OSCP1: variants seen among roughly 807,000 people sequenced by gnomAD.
OSCP1 encodes organic solute carrier partner 1, also known as protein OSCP1.
A neutral mutation model predicts 45.1 loss-of-function variants in OSCP1; 35 were observed. That is an observed-to-expected ratio of 0.78 (90% confidence interval 0.59 to 1.03). The LOEUF (loss-of-function observed/expected upper bound fraction) is 1.03. OSCP1 is among the 50% of genes least tolerant of loss of function. The pLI is 0.00. For synonymous variants in OSCP1, 179 were observed against 180.1 expected (o/e 0.99, Z 0.05); for missense variants, 400 against 470.7 (o/e 0.85, Z 1.39).
chr1:36,422,436 T>C (rs558330644), intron 6 of OSCP1, among the ~76,000 whole-genome samples: 1 of 152,214 alleles, frequency 6.6e-6, no homozygotes, highest in African/African-American at 2.4e-5. Flanking sequence ...ATGCCTCCTC[T>C]TGTGAAGAGT....
chr1:36,420,259 A>G, intron 8 of OSCP1: 1 of 529,532 alleles, frequency 1.9e-6, no homozygotes, highest in East Asian at 3.9e-5. Context: ...TACGGGCGTG[A>G]GCCACTGCAC....
chr1:36,448,970 G>A (rs1649705269), intron 1 of OSCP1, among the ~76,000 whole-genome samples: 1 of 152,204 alleles, frequency 6.6e-6, no homozygotes, highest in Non-Finnish European at 1.5e-5. Context: ...GCGGCAATGT[G>A]CAGAATGAAT....
intron 1 of OSCP1, among the ~76,000 whole-genome samples, chr1:36,439,505 AAAAAT>A (rs1245285076): frequency 5.3e-5 from 8 of 152,188 alleles, no homozygotes; most frequent in South Asian, 2.1e-4. Context: ...TCCTGTCTAA[AAAAAT>A]AAAATAAAAT....
chr1:36,446,055 C>T lies in OSCP1; in HGVS notation c.112+4203G>A, dbSNP rs559013677. On this transcript the variant is annotated intron_variant, in intron 1 of 9. Coordinates refer to ENST00000235532, the MANE Select transcript of OSCP1 (RefSeq NM_145047.5). ...TTGTTTATTCTGAGAGGGAGACTTG[C>T]TTTGTCGCCCAGGCTAGAGTGCAGT... 3.3e-5 allele frequency among the ~76,000 whole-genome samples: 5 copies of T among 151,900 alleles called. No individual in the cohort carries two copies. The South Asian group carries it at 1.0e-3, about 32-fold the overall frequency.
chr1:36,435,099 T>C (rs1330231136), intron 2 of OSCP1, among the ~76,000 whole-genome samples: 2 of 147,224 alleles, frequency 1.4e-5, no homozygotes, highest in Admixed American at 6.7e-5. Context: ...TTCTTTTTTT[T>C]TTTTTTTTTT....
intron 8 of OSCP1, chr1:36,419,371 G>A (rs900258749): frequency 3.9e-5 from 15 of 388,948 alleles, no homozygotes; most frequent in African/African-American, 1.2e-4. Context: ...CTCAATTAGC[G>A]CATTCATGAC....
chr1:36,433,513 G>A (rs78848882), intron 2 of OSCP1, among the ~76,000 whole-genome samples: 1 of 151,892 alleles, frequency 6.6e-6, no homozygotes, highest in African/African-American at 2.4e-5. Context: ...AGGGAGGTAG[G>A]GGTCAAGGGC....
In OSCP1 at chr1:36,418,034, C is replaced by T. The variant is rs1647376262; in HGVS notation, c.*105G>A. The T allele has an allele frequency of 2.4e-6, 2 of 821,416 alleles. No individual in the cohort carries two copies. Among genetic ancestry groups the T allele is most frequent in the Non-Finnish European group, 1.9e-6 (1 of 513,012 alleles). 50.9% of individuals were successfully genotyped at this position (821,416 alleles called of 1,614,324 possible). ...AAATAAGAAATAGACGTAATGGCTTCACTCAGTAGAAAACTAGCAGCATCA... is the reference window on the plus strand; with the variant it reads ...AAATAAGAAATAGACGTAATGGCTTTACTCAGTAGAAAACTAGCAGCATCA... On this transcript the variant is annotated 3_prime_UTR_variant, in exon 10 of 10. Coordinates refer to ENST00000235532, the MANE Select transcript of OSCP1 (RefSeq NM_145047.5).
chr1:36,433,053 T>C (rs930488664), intron 2 of OSCP1, among the ~76,000 whole-genome samples: 1 of 152,252 alleles, frequency 6.6e-6, no homozygotes, highest in Admixed American at 6.5e-5. Flanking sequence ...GCAGAGGTGC[T>C]GAGAGCAATA....
At position 36,435,069 on chromosome 1, in the gene OSCP1, CCTTTT is replaced by C. The variant is rs1240699775; in HGVS notation, c.268-2485_268-2481del. ...CCTTCCTCTATGGAAATTTAAACTT[CCTTTT>C]CTTTTCTTTTCTTTTTCTTTTTTTT... On this transcript the variant is annotated intron_variant, in intron 2 of 9. Coordinates refer to ENST00000235532, the MANE Select transcript of OSCP1 (RefSeq NM_145047.5). Among the ~76,000 whole-genome samples the C allele has an allele frequency of 2.8e-3, 414 of 150,068 alleles. 2 individuals are homozygous for C. The highest frequency in any genetic ancestry group is 5.4e-3 in the Admixed American group (81 of 14,972).
At position 36,447,807 on chromosome 1, in the gene OSCP1, C is replaced by T; in HGVS notation, c.112+2451G>A. On this transcript the variant is annotated intron_variant, in intron 1 of 9. Coordinates refer to ENST00000235532, the MANE Select transcript of OSCP1 (RefSeq NM_145047.5). This position sits in a 1 kb window ranked among gnomAD's most constrained non-coding sequence, Gnocchi z 4.1. ...GTTACTGGAGTGGACTGATCAATAGCCCTACCTCCAGTGAATGTCCAGAAG... is the reference window on the plus strand; with the variant it reads ...GTTACTGGAGTGGACTGATCAATAGTCCTACCTCCAGTGAATGTCCAGAAG... 1 of 412,664 alleles carries T rather than the reference C, an allele frequency of 2.4e-6. No homozygotes were observed. The highest frequency in any genetic ancestry group is 1.7e-5 in the South Asian group (1 of 59,892). The allele number at this position is 412,664 out of a possible 1,614,324, so 25.6% of individuals were successfully genotyped here. A position where few individuals can be genotyped will look rare whatever the true frequency, so the allele number is the denominator to read the frequency against.
chr1:36,420,569 A>G lies in OSCP1; in HGVS notation c.866T>C (p.Leu289Ser), dbSNP rs1263460054. Residue 289 changes from leucine (L) to serine (S), a missense_variant, in exon 8 of 10, where the codon TTG becomes TCG. By Grantham distance (145) the Leu-to-Ser change is moderately radical. Transcript: ENST00000235532. Reference protein sequence around the residue: ...NPLAKEELNFLARLMGGMEIK... With the variant: ...NPLAKEELNFSARLMGGMEIK... ...CTCCATCCCTCCCATCAGCCTGGCC[A>G]AGAAATTCAGCTCTTCTTTAGCAAG... The G allele has an allele frequency of 1.9e-6, 3 of 1,614,176 alleles. No homozygotes were observed. Among genetic ancestry groups the G allele is most frequent in the East Asian group, 2.2e-5 (1 of 44,878 alleles).
rs914745686 is a variant in OSCP1 at position 36,437,600 on chromosome 1, C to A, written c.267+1156G>T. On this transcript the variant is annotated intron_variant, in intron 2 of 9. Coordinates refer to ENST00000235532, the MANE Select transcript of OSCP1 (RefSeq NM_145047.5). The stretch of plus-strand genomic sequence containing the variant: ...GTGGTGTGATCTCATCTCACTGCAA[C>A]CTCCGCCTCCTGGGTTCAAGTGATT... 7.2e-5 allele frequency among the ~76,000 whole-genome samples: 11 copies of A among 152,234 alleles called. 1 individual carries two copies. The South Asian group carries it at 2.1e-3, about 29-fold the overall frequency.
At chr1:36,435,091 C>CTTTTTTTTTTTTTTTTTTTTTTTTT (rs201268337) in intron 2 of OSCP1, among the ~76,000 whole-genome samples, 2 of 125,748 alleles carry the variant, frequency 1.6e-5, no homozygotes, top group Non-Finnish European at 3.3e-5. Flanking sequence ...TTTTCTTTTT[C>CTTTTTTTTTTTTTTTTTTTTTTTTT]TTTTTTTTTT....
intron 1 of OSCP1, among the ~76,000 whole-genome samples, chr1:36,443,234 G>A (rs1300574690): frequency 1.3e-5 from 2 of 152,164 alleles, no homozygotes; most frequent in Non-Finnish European, 2.9e-5. Context: ...AAAGTGCTGG[G>A]ATTACAGGTG....
In OSCP1 at chr1:36,432,548, C is replaced by T; in HGVS notation, c.309G>A (p.Leu103=). 2 of 1,614,096 alleles carry T rather than the reference C, an allele frequency of 1.2e-6. No homozygotes were observed. Among genetic ancestry groups the T allele is most frequent in the Non-Finnish European group, 1.7e-6 (2 of 1,180,024 alleles). Residue 103 remains leucine (L), a synonymous_variant, in exon 3 of 10, where the codon TTG becomes TTA. Transcript: ENST00000235532. ...GCACATCCTTGGGTCGGGGACACAGCAATACTTGATATTTGAAAGCCATGG... is the reference window on the plus strand; with the variant it reads ...GCACATCCTTGGGTCGGGGACACAGTAATACTTGATATTTGAAAGCCATGG... ...LMTMAFKYQV[L]LCPRPKDVLL...
chr1:36,435,640 T>TG (rs1357659686), intron 2 of OSCP1, among the ~76,000 whole-genome samples: 1 of 152,066 alleles, frequency 6.6e-6, no homozygotes, highest in Non-Finnish European at 1.5e-5. Flanking sequence ...AACTTTTTTT[T>TG]TTTTGTTTTG....
chr1:36,431,922 G>A, intron 3 of OSCP1, 40 bp from the exon 4 acceptor site: 1 of 1,591,416 alleles, frequency 6.3e-7, no homozygotes, highest in Non-Finnish European at 8.6e-7. Flanking sequence ...CACTTTCCAA[G>A]AGGGATGAGT....
intron 1 of OSCP1, 164 bp from the exon 2 acceptor site, chr1:36,439,074 T>C (rs546694094): frequency 3.3e-6 from 2 of 608,966 alleles, no homozygotes; most frequent in Admixed American, 3.5e-5. Flanking sequence ...GGTGTCCCGG[T>C]AGAAAGCAGG....
Sources: gnomAD v4.1 joint callset for allele counts (sites outside exome capture counted in the v4.1 genomes callset) on GRCh38, gnomAD v4.1.1 for gene constraint, Gnocchi (gnomAD v3.1) non-coding constraint, MANE v1.5 for transcripts, NCBI Gene and HGNC (gene_info 2026-07-23, HGNC 2026-07-21) for gene names.